Variants in OSBPL5 observed in about 807,000 individuals in gnomAD.
The protein encoded by OSBPL5 is oxysterol binding protein like 5.
In OSBPL5, 71 loss-of-function variants were observed where a neutral mutation model predicts 111.2. The observed-to-expected ratio is 0.64, with a 90% CI of 0.53 to 0.78. The LOEUF (loss-of-function observed/expected upper bound fraction) is 0.78, where lower values mean the gene tolerates loss of function less well. Ranked by LOEUF, OSBPL5 falls within the 30% of genes least tolerant of loss-of-function variation. OSBPL5 has a pLI of 0.00. For synonymous variants in OSBPL5, 549 were observed against 513.9 expected (o/e 1.07, Z -0.93); for missense variants, 1,210 against 1,189.3 (o/e 1.02, Z -0.26).
intron 1 of OSBPL5, chr11:3,163,953 G>C (rs1412301320): frequency 1.3e-5 from 2 of 152,316 alleles, no homozygotes; most frequent in Admixed American, 6.5e-5. Context: ...GCAGGTTCAA[G>C]GAACAGCAAG....
At chr11:3,111,411 C>T (rs975664084) in intron 7 of OSBPL5, among the ~76,000 whole-genome samples, 1 of 151,676 alleles carries the variant, frequency 6.6e-6, no homozygotes, top group African/African-American at 2.4e-5. Context: ...AGACCCATCC[C>T]TAGGGAAGTA....
In OSBPL5 at chr11:3,093,297, G is replaced by A. The variant is rs1392592486; in HGVS notation, c.1946+230C>T. The A allele has an allele frequency of 1.8e-5, 14 of 774,978 alleles. No individual in the cohort carries two copies. In the East Asian group the frequency reaches 2.7e-4, roughly 15 times the overall value. The allele number at this position is 774,978 out of a possible 1,614,324, so 48.0% of individuals were successfully genotyped here. A position where few individuals can be genotyped will look rare whatever the true frequency, so the allele number is the denominator to read the frequency against. On this transcript the variant is annotated intron_variant, in intron 17 of 21. Coordinates refer to ENST00000263650, the MANE Select transcript of OSBPL5 (RefSeq NM_020896.4). The stretch of plus-strand genomic sequence containing the variant: ...CCTGTGCACCTGTTGGTCACTCGCC[G>A]GCAGTGATGCAGTGAGAGGTCACGG...
rs377232589 is a variant in OSBPL5 at position 3,126,743 on chromosome 11, G to C, written c.137-188C>G. 2 of 493,222 alleles carry C rather than the reference G, an allele frequency of 4.1e-6. No homozygotes were observed. The highest frequency in any genetic ancestry group is 3.5e-5 in the East Asian group (1 of 28,374). The allele number at this position is 493,222 out of a possible 1,614,324, so 30.6% of individuals were successfully genotyped here. A position where few individuals can be genotyped will look rare whatever the true frequency, so the allele number is the denominator to read the frequency against. ...GTAATAAACGCCAGCAAGCGTCACT[G>C]TGGGAGGAGTGTGCCAGGAGAACTG... On this transcript the variant is annotated intron_variant, in intron 2 of 21. Transcript: ENST00000263650. The surrounding 1 kb of genome is among the most constrained non-coding windows in gnomAD (Gnocchi z 6.5).
chr11:3,158,449 T>C (rs76131646), intron 1 of OSBPL5, among the ~76,000 whole-genome samples: 1,780 of 152,366 alleles, frequency 0.012, 26 homozygotes, highest in Middle Eastern at 0.054. Context: ...CAGAGAGCTC[T>C]TCCTGTCCTG....
At chr11:3,163,949 T>G (rs1025249057) in intron 1 of OSBPL5, 5 of 152,278 alleles carry the variant, frequency 3.3e-5, no homozygotes, top group Non-Finnish European at 5.9e-5. Context: ...CCTGGCAGGT[T>G]CAAGGAACAG....
chr11:3,102,719 C>T (rs1039038470), intron 11 of OSBPL5, among the ~76,000 whole-genome samples: 9 of 152,260 alleles, frequency 5.9e-5, no homozygotes, highest in South Asian at 4.1e-4. Context: ...GAACCACGGT[C>T]GTGGTTTTCA....
chr11:3,147,956 T>G (rs892236196), intron 1 of OSBPL5, among the ~76,000 whole-genome samples: 18 of 152,028 alleles, frequency 1.2e-4, no homozygotes, highest in Non-Finnish European at 8.8e-5. Flanking sequence ...TCCCAGGACC[T>G]CTGGGGCCAC....
At position 3,130,364 on chromosome 11, in the gene OSBPL5, C is replaced by T. The variant is rs186475854; in HGVS notation, c.-21-1195G>A. Among the ~76,000 whole-genome samples, 113 of 152,366 alleles carry T rather than the reference C, an allele frequency of 7.4e-4. No homozygotes were observed. The highest frequency in any genetic ancestry group is 2.2e-3 in the African/African-American group (91 of 41,590). On this transcript the variant is annotated intron_variant, in intron 1 of 21. Coordinates refer to ENST00000263650, the MANE Select transcript of OSBPL5 (RefSeq NM_020896.4). The surrounding 1 kb of genome is among the most constrained non-coding windows in gnomAD (Gnocchi z 4.5). ...CAGGCCAGTGGCATCCTGCCAAGCCCGGGACAAAGGCCTCGATTTCTCCCA... is the reference window on the plus strand; with the variant it reads ...CAGGCCAGTGGCATCCTGCCAAGCCTGGGACAAAGGCCTCGATTTCTCCCA...
intron 1 of OSBPL5, 66 bp from the exon 2 acceptor site, chr11:3,129,235 TG>T (rs1858743625): frequency 1.1e-5 from 14 of 1,325,406 alleles, no homozygotes; most frequent in Non-Finnish European, 1.3e-5. Flanking sequence ...AGCCACATGG[TG>T]GGGGTGCCCC....
At chr11:3,089,686 C>T (rs1455789582) in intron 21 of OSBPL5, among the ~76,000 whole-genome samples, 160 bp downstream of exon 21, 2 of 152,188 alleles carry the variant, frequency 1.3e-5, no homozygotes, top group South Asian at 2.1e-4. Flanking sequence ...CTGCCCTCGG[C>T]GGTTGTCTTC....
In OSBPL5 at chr11:3,159,799, C is replaced by G. The variant is rs1013130068; in HGVS notation, c.-22+5417G>C. On this transcript the variant is annotated intron_variant, in intron 1 of 21. Transcript: ENST00000263650. ...CATAGGGGTGGGGTAGGGGGTCATGCCAGTCACCCACACAATGGCTGATGC... is the reference window on the plus strand; with the variant it reads ...CATAGGGGTGGGGTAGGGGGTCATGGCAGTCACCCACACAATGGCTGATGC... 5.9e-5 allele frequency among the ~76,000 whole-genome samples: 9 copies of G among 151,854 alleles called. No individual in the cohort carries two copies. The South Asian group carries it at 1.9e-3, about 32-fold the overall frequency.
intron 1 of OSBPL5, among the ~76,000 whole-genome samples, chr11:3,131,615 C>CCGTCTATTCATCCACCCATT (rs1845786084): frequency 1.1e-5 from 1 of 90,564 alleles, no homozygotes; most frequent in Admixed American, 9.9e-5. Context: ...ACCCATTCAT[C>CCGTCTATTCATCCACCCATT]CATCTGTCTA....
chr11:3,096,632 C>T (rs1486481530), intron 14 of OSBPL5, among the ~76,000 whole-genome samples: 1 of 138,118 alleles, frequency 7.2e-6, no homozygotes, highest in Non-Finnish European at 1.6e-5. Flanking sequence ...AAAAAAAAGA[C>T]AGAAAGAAAG....
chr11:3,131,546 TCCAC>T lies in OSBPL5; in HGVS notation c.-21-2381_-21-2378del, dbSNP rs1192086844. ...ACCCATTCATCCATCCATCCATCCA[TCCAC>T]CCACCCATTCATTCATCCATCCATC... On this transcript the variant is annotated intron_variant, in intron 1 of 21. Transcript: ENST00000263650. Among the ~76,000 whole-genome samples, 54 of 134,316 alleles carry T rather than the reference TCCAC, an allele frequency of 4.0e-4. 3 individuals are homozygous for T. In the East Asian group the frequency reaches 0.012, roughly 29 times the overall value. The allele number at this position is 134,316 out of a possible 152,430, so 88.1% of individuals were successfully genotyped here. A position where few individuals can be genotyped will look rare whatever the true frequency, so the allele number is the denominator to read the frequency against.
rs113919509 is a variant in OSBPL5, at chr11:3,126,942, A to G, written c.137-387T>C. The stretch of plus-strand genomic sequence containing the variant: ...CACATGGCAGGTTTGGGGCCCCTGG[A>G]CTGTGCATCCCCCTGGCTGGATGCT... On this transcript the variant is annotated intron_variant, in intron 2 of 21. Transcript: ENST00000263650. This position sits in a 1 kb window ranked among gnomAD's most constrained non-coding sequence, Gnocchi z 6.5. Among the ~76,000 whole-genome samples the G allele has an allele frequency of 0.014, 2,083 of 152,234 alleles. 24 individuals are homozygous for G. Among genetic ancestry groups the G allele is most frequent in the Middle Eastern group, 0.024 (7 of 294 alleles).
chr11:3,157,443 T>C (rs1395190730), intron 1 of OSBPL5, among the ~76,000 whole-genome samples: 1 of 152,142 alleles, frequency 6.6e-6, no homozygotes, highest in Admixed American at 6.5e-5. Flanking sequence ...CTAGCCTAGA[T>C]GTCTGGTGTC....
intron 3 of OSBPL5, among the ~76,000 whole-genome samples, chr11:3,124,598 C>T (rs1038188297): frequency 6.6e-6 from 1 of 152,178 alleles, no homozygotes; most frequent in Non-Finnish European, 1.5e-5. Context: ...GCTGCTTCCC[C>T]AGAAGCAGGA....
intron 1 of OSBPL5, among the ~76,000 whole-genome samples, chr11:3,131,563 T>TCATCCATC (rs149219213): frequency 2.8e-4 from 33 of 119,328 alleles, no homozygotes; most frequent in African/African-American, 7.2e-4. Context: ...ACCCATTCAT[T>TCATCCATC]CATCCATCCA....
Position 3,092,292 on chromosome 11 carries a change from AAGGGGACG to A in OSBPL5, c.2259+132_2259+139del. 1 of 1,212,062 alleles carries A rather than the reference AAGGGGACG, an allele frequency of 8.3e-7. No homozygotes were observed. The highest frequency in any genetic ancestry group is 1.7e-5 in the South Asian group (1 of 60,318). The allele number at this position is 1,212,062 out of a possible 1,614,324, so 75.1% of individuals were successfully genotyped here. On this transcript the variant is annotated intron_variant, in intron 19 of 21. Coordinates refer to ENST00000263650, the MANE Select transcript of OSBPL5 (RefSeq NM_020896.4). This position sits in a 1 kb window ranked among gnomAD's most constrained non-coding sequence, Gnocchi z 5.4. ...GAGTCCCATGCTCGGCAGAGAAGGA[AAGGGGACG>A]AGGGGGCTGGGGGATGAGGGCGTGA...
Sources: gnomAD v4.1 joint callset for allele counts (sites outside exome capture counted in the v4.1 genomes callset) on GRCh38, gnomAD v4.1.1 for gene constraint, Gnocchi (gnomAD v3.1) non-coding constraint, MANE v1.5 for transcripts, NCBI Gene and HGNC (gene_info 2026-07-23, HGNC 2026-07-21) for gene names.